Variants in LRMDA observed in about 807,000 individuals in gnomAD.
The protein encoded by LRMDA is leucine-rich melanocyte differentiation-associated protein.
Under a neutral mutation model 29.8 loss-of-function variants are expected in LRMDA, and 18 were observed. The ratio of observed to expected loss-of-function variants is 0.60; its 90% confidence interval spans 0.42 to 0.90. The LOEUF is 0.90. Among genes scored for constraint, LRMDA ranks in the 40% least tolerant of loss-of-function variants. The pLI is 0.00. For missense variants in LRMDA, 273 were observed against 273.9 expected (o/e 1.00, Z 0.02); for synonymous variants, 125 against 109.4 (o/e 1.14, Z -0.89).
At chr10:75,934,175 A>G (rs1256695825) in intron 2 of LRMDA, among the ~76,000 whole-genome samples, 1 of 152,192 alleles carries the variant, frequency 6.6e-6, no homozygotes, top group East Asian at 1.9e-4. Context: ...AATATGAGTG[A>G]ATGCCTTTAT....
intron 2 of LRMDA, among the ~76,000 whole-genome samples, chr10:75,493,018 G>T (rs780197305): frequency 6.6e-6 from 1 of 151,982 alleles, no homozygotes; most frequent in African/African-American, 2.4e-5. Flanking sequence ...TCATGGCCTC[G>T]GTAAAAGAAA....
intron 2 of LRMDA, among the ~76,000 whole-genome samples, chr10:75,926,909 A>G (rs1394083108): frequency 1.3e-5 from 2 of 152,206 alleles, no homozygotes; most frequent in Non-Finnish European, 2.9e-5. Context: ...TATTACAGTA[A>G]GGCGCACACT....
intron 2 of LRMDA, among the ~76,000 whole-genome samples, chr10:75,854,788 A>C (rs939434426): frequency 6.6e-6 from 1 of 151,146 alleles, no homozygotes; most frequent in Admixed American, 6.6e-5. Flanking sequence ...TCATTGTTCA[A>C]TTCCCACCTA....
intron 5 of LRMDA, among the ~76,000 whole-genome samples, chr10:76,151,932 G>A (rs1426609446): frequency 1.3e-5 from 2 of 151,988 alleles, no homozygotes; most frequent in Non-Finnish European, 2.9e-5. Flanking sequence ...AAGTAGTAAT[G>A]GAATTATATC....
intron 2 of LRMDA, among the ~76,000 whole-genome samples, chr10:75,660,421 C>T (rs890759635): frequency 6.6e-6 from 1 of 152,212 alleles, no homozygotes; most frequent in South Asian, 2.1e-4. Context: ...CCGGACGGCT[C>T]TGACACCTGC....
chr10:75,969,617 G>A (rs952931267), intron 2 of LRMDA, among the ~76,000 whole-genome samples: 1 of 152,112 alleles, frequency 6.6e-6, no homozygotes, highest in Non-Finnish European at 1.5e-5. Context: ...TTTCTTCTTG[G>A]TACCTTTCAT....
At chr10:76,181,079 T>C (rs1851040757) in intron 5 of LRMDA, among the ~76,000 whole-genome samples, 1 of 152,182 alleles carries the variant, frequency 6.6e-6, no homozygotes, top group African/African-American at 2.4e-5. Flanking sequence ...TTTACTGTCA[T>C]GCTCCCTTCT....
chr10:75,854,192 T>C (rs1042018834), intron 2 of LRMDA, among the ~76,000 whole-genome samples: 3 of 152,070 alleles, frequency 2.0e-5, no homozygotes, highest in African/African-American at 7.2e-5. Context: ...GTTTCTGAGG[T>C]TTGTACAGGA....
intron 2 of LRMDA, among the ~76,000 whole-genome samples, chr10:75,884,572 G>A (rs1845351256): frequency 6.6e-6 from 1 of 152,166 alleles, no homozygotes; most frequent in Admixed American, 6.5e-5. Context: ...TGAGATCATG[G>A]ATAGACAGCC....
At chr10:76,444,959 C>A (rs1158831798) in intron 6 of LRMDA, among the ~76,000 whole-genome samples, 1 of 151,644 alleles carries the variant, frequency 6.6e-6, no homozygotes, top group Non-Finnish European at 1.5e-5. Flanking sequence ...ATATTTATAT[C>A]CATATATATT....
intron 2 of LRMDA, among the ~76,000 whole-genome samples, chr10:75,883,924 C>T (rs1006243846): frequency 1.3e-5 from 2 of 151,724 alleles, no homozygotes; most frequent in Admixed American, 1.3e-4. Context: ...AAAATTCTCA[C>T]TGTAGTGCAA....
chr10:76,070,799 T>C (rs1848863502), intron 5 of LRMDA, among the ~76,000 whole-genome samples: 1 of 152,174 alleles, frequency 6.6e-6, no homozygotes, highest in African/African-American at 2.4e-5. Flanking sequence ...ACATTCATCC[T>C]GGGGAGGTCC....
At chr10:75,587,460 T>C (rs1840670903) in intron 2 of LRMDA, among the ~76,000 whole-genome samples, 1 of 152,220 alleles carries the variant, frequency 6.6e-6, no homozygotes, top group Non-Finnish European at 1.5e-5. Flanking sequence ...TTTAAATGCA[T>C]GTATTTAACA....
At chr10:75,616,482 CA>C (rs1483419456) in intron 2 of LRMDA, among the ~76,000 whole-genome samples, 1 of 152,106 alleles carries the variant, frequency 6.6e-6, no homozygotes, top group Non-Finnish European at 1.5e-5. Flanking sequence ...AGAGATATGG[CA>C]AAAATTGTGA....
chr10:75,868,155 G>A (rs1845051011), intron 2 of LRMDA, among the ~76,000 whole-genome samples: 1 of 152,166 alleles, frequency 6.6e-6, no homozygotes, highest in South Asian at 2.1e-4. Context: ...ATTGTGAGGT[G>A]TTGGCTGTCG....
At chr10:76,184,185 C>CA (rs1851105246) in intron 5 of LRMDA, among the ~76,000 whole-genome samples, 2 of 152,030 alleles carry the variant, frequency 1.3e-5, no homozygotes, top group South Asian at 2.1e-4. Context: ...CTCGCACCAC[C>CA]ACATCTGGCT....
At chr10:75,751,353 T>C (rs1301757818) in intron 2 of LRMDA, among the ~76,000 whole-genome samples, 3 of 139,876 alleles carry the variant, frequency 2.1e-5, no homozygotes, top group South Asian at 2.4e-4. Context: ...AGAGGGAGAC[T>C]GGGGAGAGGG....
rs376801589 is a variant in LRMDA, at chr10:76,513,908, G to A, written c.602-43301G>A. ...TTTGTGACACAATGGCACCCAAAGGGTCCATGTATTACATAGCTTATCAGT... is the reference window on the plus strand; with the variant it reads ...TTTGTGACACAATGGCACCCAAAGGATCCATGTATTACATAGCTTATCAGT... On this transcript the variant is annotated intron_variant, in intron 6 of 6. Coordinates refer to ENST00000611255, the MANE Select transcript of LRMDA (RefSeq NM_001305581.2). Among the ~76,000 whole-genome samples, 5 of 152,218 alleles carry A rather than the reference G, an allele frequency of 3.3e-5. No individual in the cohort carries two copies. The East Asian group carries it at 9.7e-4, about 29-fold the overall frequency.
chr10:75,457,285 GT>G (rs1844530356), intron 2 of LRMDA, among the ~76,000 whole-genome samples: 2 of 152,188 alleles, frequency 1.3e-5, no homozygotes, highest in African/African-American at 4.8e-5. Context: ...ATTCATTGTT[GT>G]CCTAAGATCT....
Sources: allele counts gnomAD v4.1 joint callset (sites outside exome capture counted in the v4.1 genomes callset), GRCh38; gene constraint gnomAD v4.1.1; transcripts MANE v1.5; gene names NCBI Gene and HGNC (gene_info 2026-07-23, HGNC 2026-07-21).